Variants in C8orf34 observed in about 807,000 individuals in gnomAD.
C8orf34 encodes the protein uncharacterized protein C8orf34.
In C8orf34, 65 loss-of-function variants were observed where a neutral mutation model predicts 68.3. That is an observed-to-expected ratio of 0.95 (90% confidence interval 0.78 to 1.17). C8orf34 has a LOEUF of 1.17. C8orf34 is among the 50% of genes most tolerant of loss of function. C8orf34 has a pLI of 0.00. For missense variants in C8orf34, 664 were observed against 655.4 expected (o/e 1.01, Z -0.14); for synonymous variants, 244 against 241.2 (o/e 1.01, Z -0.11).
chr8:68,456,748 A>G (rs1351715274), intron 3 of C8orf34, among the ~76,000 whole-genome samples: 1 of 152,064 alleles, frequency 6.6e-6, no homozygotes, highest in African/African-American at 2.4e-5. Context: ...GCATTTTCAA[A>G]TAACCAAAAA....
chr8:68,536,334 G>T (rs983839898), intron 7 of C8orf34, among the ~76,000 whole-genome samples: 75 of 143,594 alleles, frequency 5.2e-4, no homozygotes, highest in African/African-American at 1.9e-3. Context: ...AGTCCAGCCT[G>T]GGTGACAGAG....
At chr8:68,361,951 A>G (rs919755360) in intron 1 of C8orf34, among the ~76,000 whole-genome samples, 4 of 152,374 alleles carry the variant, frequency 2.6e-5, no homozygotes, top group East Asian at 1.9e-4. Flanking sequence ...ACATGGAACT[A>G]CAATCTCTAT....
At chr8:68,438,415 A>G (rs923864817) in intron 1 of C8orf34, 12 of 152,144 alleles carry the variant, frequency 7.9e-5, no homozygotes, top group African/African-American at 2.9e-4. Context: ...CACACCAGCC[A>G]TCTGACCATG....
chr8:68,667,545 G>A (rs544646406), intron 8 of C8orf34, among the ~76,000 whole-genome samples: 30 of 152,110 alleles, frequency 2.0e-4, no homozygotes, highest in Non-Finnish European at 3.1e-4. Flanking sequence ...CCTGTGCAAG[G>A]ATCTGTGGTG....
rs1389885300 is a variant in C8orf34 at position 68,360,755 on chromosome 8, TC to T, written c.327+29417del. Among the ~76,000 whole-genome samples the T allele has an allele frequency of 6.2e-5, 9 of 145,270 alleles. No individual in the cohort carries two copies. In the South Asian group the frequency reaches 1.1e-3, roughly 18 times the overall value. On this transcript the variant is annotated intron_variant, in intron 1 of 13. Transcript: ENST00000518698. Reference sequence around the variant, plus strand: ...TATTTCCCTTTTCCTTTTCTTCCTTTCTTTTTTTTTTTTTTTTTCTTGAGCC... The same window carrying T: ...TATTTCCCTTTTCCTTTTCTTCCTTTTTTTTTTTTTTTTTTTTCTTGAGCC...
At chr8:68,439,409 G>C in intron 1 of C8orf34, 90 bp from the exon 2 acceptor site, 1 of 1,260,562 alleles carries the variant, frequency 7.9e-7, no homozygotes, top group South Asian at 1.4e-5. Flanking sequence ...AGTTAGACCA[G>C]TACCTGACAA....
chr8:68,647,952 A>G (rs1819229467), intron 8 of C8orf34, among the ~76,000 whole-genome samples: 1 of 152,236 alleles, frequency 6.6e-6, no homozygotes, highest in Admixed American at 6.5e-5. Flanking sequence ...ATAACTCACC[A>G]TCAAAATTTA....
intron 7 of C8orf34, among the ~76,000 whole-genome samples, chr8:68,540,876 G>A (rs1373273005): frequency 2.6e-5 from 4 of 151,922 alleles, no homozygotes; most frequent in Admixed American, 2.0e-4. Flanking sequence ...ATTTAAAATA[G>A]AGTATTATTA....
chr8:68,429,165 C>T (rs1810348106), intron 1 of C8orf34, among the ~76,000 whole-genome samples: 2 of 152,022 alleles, frequency 1.3e-5, no homozygotes, highest in Admixed American at 1.3e-4. Flanking sequence ...CCATACAGAT[C>T]TTATATCCAA....
At chr8:68,644,478 A>C (rs2130751492) in intron 8 of C8orf34, among the ~76,000 whole-genome samples, 1 of 152,298 alleles carries the variant, frequency 6.6e-6, no homozygotes, top group Non-Finnish European at 1.5e-5. Flanking sequence ...GGATGAGGGA[A>C]GTTCAAAGAA....
At chr8:68,780,959 T>C (rs1823658276) in intron 11 of C8orf34, among the ~76,000 whole-genome samples, 4 of 152,228 alleles carry the variant, frequency 2.6e-5, no homozygotes, top group African/African-American at 7.2e-5. Flanking sequence ...GAGTGGAGTG[T>C]GACTTTGTTT....
intron 7 of C8orf34, among the ~76,000 whole-genome samples, chr8:68,547,899 A>G (rs137890438): frequency 2.0e-5 from 3 of 151,938 alleles, no homozygotes; most frequent in African/African-American, 7.2e-5. Flanking sequence ...AGATCCACAC[A>G]TATGTGGTCA....
intron 12 of C8orf34, among the ~76,000 whole-genome samples, chr8:68,804,033 A>T (rs1343356843): frequency 6.6e-6 from 1 of 152,212 alleles, no homozygotes; most frequent in Non-Finnish European, 1.5e-5. Context: ...TTTTAAAAAA[A>T]AATCATCAGT....
Position 68,331,275 on chromosome 8 carries a change from C to T in C8orf34, c.263C>T (p.Ala88Val), listed in dbSNP as rs1460411973. The T allele has an allele frequency of 6.5e-7, 1 of 1,536,446 alleles. No homozygotes were observed. The highest frequency in any genetic ancestry group is 8.7e-7 in the Non-Finnish European group (1 of 1,146,992). The change falls in exon 1 of 14, where the codon GCG (alanine) becomes GTG (valine). Residue 88 changes from alanine to valine, a missense_variant. Ala to Val is a moderately conservative substitution (Grantham distance 64). Coordinates refer to ENST00000518698, the MANE Select transcript of C8orf34 (RefSeq NM_052958.4). ...TCGCGGTCCCATCTGTTCCCCATGG[C>T]GTCTCATCCGCAAACCCGGATCCAG... is the stretch of plus-strand genomic sequence containing the variant. ...LSSRSHLFPM[A>V]SHPQTRIQAY...
chr8:68,814,256 T>G (rs1434771771), intron 12 of C8orf34, among the ~76,000 whole-genome samples: 1 of 152,210 alleles, frequency 6.6e-6, no homozygotes, highest in Non-Finnish European at 1.5e-5. Context: ...CCAGATCTAC[T>G]GAATCAGAAA....
At chr8:68,454,018 G>C (rs1183042759) in intron 3 of C8orf34, among the ~76,000 whole-genome samples, 1 of 151,738 alleles carries the variant, frequency 6.6e-6, no homozygotes, top group Non-Finnish European at 1.5e-5. Context: ...GCTTTTTCTC[G>C]ATCAATTGAG....
At chr8:68,480,031 G>A (rs375308955) in intron 4 of C8orf34, among the ~76,000 whole-genome samples, 19 of 152,166 alleles carry the variant, frequency 1.2e-4, no homozygotes, top group East Asian at 1.9e-4. Flanking sequence ...TATTTAGCCC[G>A]TAACAGAAAA....
At chr8:68,474,206 C>A (rs1812502688) in intron 4 of C8orf34, among the ~76,000 whole-genome samples, 1 of 152,116 alleles carries the variant, frequency 6.6e-6, no homozygotes, top group Non-Finnish European at 1.5e-5. Context: ...CTTGGCTATC[C>A]CAATGCCATG....
intron 7 of C8orf34, among the ~76,000 whole-genome samples, chr8:68,609,240 G>C (rs1414636695): frequency 6.6e-6 from 1 of 151,964 alleles, no homozygotes; most frequent in Non-Finnish European, 1.5e-5. Context: ...AGTTGAGAGT[G>C]GAATAGGAGT....
Sources: gnomAD v4.1 joint callset for allele counts (sites outside exome capture counted in the v4.1 genomes callset) on GRCh38, gnomAD v4.1.1 for gene constraint, MANE v1.5 for transcripts, NCBI Gene and HGNC (gene_info 2026-07-23, HGNC 2026-07-21) for gene names.